Variants in DOK5 observed in about 807,000 individuals in gnomAD.
The protein encoded by DOK5 is downstream of tyrosine kinase 5.
A neutral mutation model predicts 43.3 loss-of-function variants in DOK5; 27 were observed. That is an observed-to-expected ratio of 0.62 (90% CI 0.46 to 0.86). The LOEUF (loss-of-function observed/expected upper bound fraction) is 0.86, where lower values mean the gene tolerates loss of function less well. Among genes scored for constraint, DOK5 ranks in the 40% least tolerant of loss-of-function variants. The pLI is 0.00. For synonymous variants in DOK5, 146 were observed against 140.1 expected, an observed-to-expected ratio of 1.04 and a Z score of -0.30; for missense variants, 373 against 392.9, an observed-to-expected ratio of 0.95 and a Z score of 0.43.
intron 7 of DOK5, among the ~76,000 whole-genome samples, chr20:54,647,556 A>G (rs996830987): frequency 3.3e-5 from 5 of 152,106 alleles, no homozygotes; most frequent in African/African-American, 9.7e-5. Context: ...TACAGAAGCA[A>G]TCAACAAGTT....
chr20:54,493,356 C>T lies in DOK5; in HGVS notation c.66+17344C>T, dbSNP rs149652533. ...ACCTTTAGTTCCTCCAGTAGGCACG[C>T]GCTTTCCTTTGTCACCATCCTTATA... On this transcript the variant is annotated intron_variant, in intron 1 of 7. Coordinates refer to ENST00000262593, the MANE Select transcript of DOK5 (RefSeq NM_018431.5). 2.2e-3 allele frequency among the ~76,000 whole-genome samples: 338 copies of T among 152,200 alleles called. 2 individuals carry two copies. The highest frequency in any genetic ancestry group is 7.2e-3 in the African/African-American group (301 of 41,538).
chr20:54,484,379 C>CA (rs879561560), intron 1 of DOK5, among the ~76,000 whole-genome samples: 194 of 136,374 alleles, frequency 1.4e-3, no homozygotes, highest in South Asian at 9.4e-3. Flanking sequence ...GACTTCATCT[C>CA]AAAAAAAAAA....
intron 1 of DOK5, among the ~76,000 whole-genome samples, chr20:54,524,387 C>A (rs1983513015): frequency 1.3e-5 from 2 of 152,150 alleles, no homozygotes; most frequent in Admixed American, 1.3e-4. Flanking sequence ...TGAACATGAG[C>A]AGGACTTACC....
At chr20:54,585,566 C>G (rs1045657014) in intron 2 of DOK5, among the ~76,000 whole-genome samples, 2 of 152,100 alleles carry the variant, frequency 1.3e-5, no homozygotes, top group Non-Finnish European at 2.9e-5. Context: ...AATTTTTAAC[C>G]ATGTTGAAAA....
chr20:54,624,899 A>C (rs1394770743), intron 6 of DOK5, among the ~76,000 whole-genome samples: 2 of 151,912 alleles, frequency 1.3e-5, no homozygotes, highest in Non-Finnish European at 2.9e-5. Context: ...GTAAGCCACA[A>C]TGGAGGCATT....
intron 7 of DOK5, among the ~76,000 whole-genome samples, chr20:54,644,479 C>T (rs917506019): frequency 1.1e-4 from 17 of 151,672 alleles, no homozygotes; most frequent in African/African-American, 2.9e-4. Context: ...CCGAGGCGGG[C>T]GGATCATGAG....
At chr20:54,547,728 A>C (rs1984396145) in intron 1 of DOK5, among the ~76,000 whole-genome samples, 1 of 152,216 alleles carries the variant, frequency 6.6e-6, no homozygotes, top group Non-Finnish European at 1.5e-5. Context: ...CACCAACAAC[A>C]AAGTACATGC....
intron 1 of DOK5, among the ~76,000 whole-genome samples, chr20:54,500,975 T>C (rs1982576378): frequency 6.6e-6 from 1 of 152,266 alleles, no homozygotes; most frequent in African/African-American, 2.4e-5. Context: ...GTTTACTTGA[T>C]AGTAAAAACA....
intron 2 of DOK5, among the ~76,000 whole-genome samples, chr20:54,577,720 G>A (rs1057170756): frequency 6.6e-6 from 1 of 152,210 alleles, no homozygotes; most frequent in African/African-American, 2.4e-5. Flanking sequence ...TGGATTGATT[G>A]GCTGTGAGTG....
intron 1 of DOK5, among the ~76,000 whole-genome samples, chr20:54,480,396 G>T (rs532653840): frequency 6.6e-6 from 1 of 152,264 alleles, no homozygotes; most frequent in East Asian, 1.9e-4. Context: ...TCACTGCTAC[G>T]TGGCGCTACC....
chr20:54,542,233 A>G (rs551160249), intron 1 of DOK5, among the ~76,000 whole-genome samples: 1 of 152,296 alleles, frequency 6.6e-6, no homozygotes, highest in African/African-American at 2.4e-5. Flanking sequence ...CCCTGTACCT[A>G]AATAATGCCT....
intron 5 of DOK5, among the ~76,000 whole-genome samples, chr20:54,609,603 A>G (rs1170283309): frequency 6.6e-6 from 1 of 152,028 alleles, no homozygotes; most frequent in Non-Finnish European, 1.5e-5. Flanking sequence ...ATATATACAC[A>G]TACATATACT....
At chr20:54,582,417 G>A (rs972070499) in intron 2 of DOK5, among the ~76,000 whole-genome samples, 7 of 151,544 alleles carry the variant, frequency 4.6e-5, no homozygotes, top group Non-Finnish European at 8.9e-5. Context: ...TTTTTGAAGA[G>A]GTTGAGAAGA....
intron 1 of DOK5, among the ~76,000 whole-genome samples, chr20:54,500,861 C>A (rs1018001115): frequency 1.3e-5 from 2 of 151,998 alleles, no homozygotes; most frequent in East Asian, 3.9e-4. Flanking sequence ...CGCACCCGGC[C>A]GTGTATATTT....
Position 54,637,939 on chromosome 20 carries a change from G to A in DOK5, c.736-5519G>A, listed in dbSNP as rs573640551. Among the ~76,000 whole-genome samples the A allele has an allele frequency of 4.0e-4, 61 of 152,210 alleles. No individual in the cohort carries two copies. The East Asian group carries it at 4.1e-3, about 10-fold the overall frequency. ...AGATCAAGACCATCGTGGCTAACACGGTGAAACCCCGTCTCTACTAAAAAT... is the reference window on the plus strand; with the variant it reads ...AGATCAAGACCATCGTGGCTAACACAGTGAAACCCCGTCTCTACTAAAAAT... On this transcript the variant is annotated intron_variant, in intron 6 of 7. Coordinates refer to ENST00000262593, the MANE Select transcript of DOK5 (RefSeq NM_018431.5).
At chr20:54,543,806 A>G (rs888749706) in intron 1 of DOK5, among the ~76,000 whole-genome samples, 25 of 152,200 alleles carry the variant, frequency 1.6e-4, no homozygotes, top group African/African-American at 6.0e-4. Flanking sequence ...ATTATTTTAC[A>G]ATATCATTTC....
chr20:54,541,060 TC>T (rs1984141717), intron 1 of DOK5, among the ~76,000 whole-genome samples: 1 of 152,224 alleles, frequency 6.6e-6, no homozygotes, highest in Non-Finnish European at 1.5e-5. Flanking sequence ...CTACTGAACT[TC>T]GTCCTTTTCC....
In DOK5 at chr20:54,476,690, G is replaced by A. The variant is rs373441300; in HGVS notation, c.66+678G>A. ...TTATTTACGTGGAACCTGATACCTG[G>A]CATAGCGCAAGTGCTCCCTACATAT... is the stretch of plus-strand genomic sequence containing the variant. On this transcript the variant is annotated intron_variant, in intron 1 of 7. Coordinates refer to ENST00000262593, the MANE Select transcript of DOK5 (RefSeq NM_018431.5). Among the ~76,000 whole-genome samples, 13 of 152,282 alleles carry A rather than the reference G, an allele frequency of 8.5e-5. No homozygotes were observed. The East Asian group carries it at 1.9e-3, about 23-fold the overall frequency.
At chr20:54,608,998 C>T (rs1225204081) in intron 5 of DOK5, among the ~76,000 whole-genome samples, 1 of 152,108 alleles carries the variant, frequency 6.6e-6, no homozygotes, top group East Asian at 1.9e-4. Context: ...TCATACATGG[C>T]TCATATTCAT....
Sources: allele counts gnomAD v4.1 joint callset (sites outside exome capture counted in the v4.1 genomes callset), GRCh38; gene constraint gnomAD v4.1.1; transcripts MANE v1.5; gene names NCBI Gene and HGNC (gene_info 2026-07-23, HGNC 2026-07-21).